Variants in CDK14 observed in about 807,000 individuals in gnomAD.
CDK14 encodes the protein cyclin dependent kinase 14, also known as cyclin-dependent kinase 14.
A neutral mutation model predicts 60.7 loss-of-function variants in CDK14; 34 were observed. That is an observed-to-expected ratio of 0.56 (90% CI 0.43 to 0.75). CDK14 has a LOEUF of 0.75. Among genes scored for constraint, CDK14 ranks in the 30% least tolerant of loss-of-function variants. CDK14 has a pLI of 0.00. For missense variants in CDK14, 482 were observed against 564.1 expected (o/e 0.85, Z 1.47); for synonymous variants, 197 against 203.7 (o/e 0.97, Z 0.28).
At chr7:90,644,719 A>G (rs1236611844) in intron 2 of CDK14, among the ~76,000 whole-genome samples, 1 of 152,210 alleles carries the variant, frequency 6.6e-6, no homozygotes, top group Non-Finnish European at 1.5e-5. Context: ...CATGGGTAAC[A>G]ATGTTTCTTG....
chr7:91,164,098 G>T (rs1801264686), intron 14 of CDK14, among the ~76,000 whole-genome samples: 1 of 152,108 alleles, frequency 6.6e-6, no homozygotes, highest in African/African-American at 2.4e-5. Context: ...AGGGCACGTA[G>T]CATACAATAT....
intron 4 of CDK14, among the ~76,000 whole-genome samples, chr7:90,787,317 C>T (rs1001526916): frequency 2.1e-5 from 3 of 141,892 alleles, no homozygotes; most frequent in Non-Finnish European, 4.5e-5. Flanking sequence ...ATTAACAAAG[C>T]ATTCTACAAA....
chr7:90,641,118 A>C (rs1269522951), intron 2 of CDK14, among the ~76,000 whole-genome samples: 3 of 151,678 alleles, frequency 2.0e-5, no homozygotes, highest in African/African-American at 7.3e-5. Context: ...AAAAACAAAA[A>C]CAAAAACAGG....
intron 2 of CDK14, among the ~76,000 whole-genome samples, chr7:90,656,683 CT>C (rs2116491705): frequency 6.6e-6 from 1 of 152,242 alleles, no homozygotes; most frequent in African/African-American, 2.4e-5. Flanking sequence ...CCGCCTTCTC[CT>C]TTTTTCTGAA....
intron 11 of CDK14, among the ~76,000 whole-genome samples, chr7:91,069,733 T>A (rs1798081788): frequency 6.6e-6 from 1 of 152,190 alleles, no homozygotes; most frequent in Admixed American, 6.5e-5. Flanking sequence ...CATCATCCTT[T>A]TCAGGTTAAT....
chr7:91,147,996 A>G (rs973473682), intron 14 of CDK14, among the ~76,000 whole-genome samples: 26 of 152,354 alleles, frequency 1.7e-4, no homozygotes, highest in African/African-American at 5.8e-4. Flanking sequence ...ACACATATGC[A>G]TATATAATCA....
intron 2 of CDK14, among the ~76,000 whole-genome samples, chr7:90,684,158 T>C (rs1801382621): frequency 6.6e-6 from 1 of 152,220 alleles, no homozygotes; most frequent in Admixed American, 6.5e-5. Flanking sequence ...ATTGTTGTGC[T>C]GTAGCACTAC....
intron 8 of CDK14, among the ~76,000 whole-genome samples, chr7:90,921,836 A>T (rs1793261960): frequency 6.6e-6 from 1 of 152,142 alleles, no homozygotes; most frequent in Non-Finnish European, 1.5e-5. Flanking sequence ...TACCTTCCTA[A>T]TGTTGATAGT....
chr7:90,851,406 A>C (rs1790641669), intron 5 of CDK14, among the ~76,000 whole-genome samples: 1 of 152,148 alleles, frequency 6.6e-6, no homozygotes, highest in African/African-American at 2.4e-5. Flanking sequence ...ACTTATTAGA[A>C]AGGGAAGCAT....
intron 14 of CDK14, among the ~76,000 whole-genome samples, chr7:91,179,354 TG>T (rs1406393394): frequency 1.6e-5 from 1 of 61,092 alleles, no homozygotes; most frequent in Non-Finnish European, 3.0e-5. Flanking sequence ...GGGACTGTTG[TG>T]GGGTGGGGGG....
chr7:90,757,228 GTGTGTGTGTGTGTGTGTGTGTGTC>G (rs1426123047), intron 4 of CDK14, among the ~76,000 whole-genome samples: 1 of 146,022 alleles, frequency 6.8e-6, no homozygotes. Context: ...GTGTGTGTGT[GTGTGTGTGTGTGTGTGTGTGTGTC>G]TGTGTGTGTC....
At chr7:90,710,855 A>G (rs530539295) in intron 2 of CDK14, among the ~76,000 whole-genome samples, 2 of 152,226 alleles carry the variant, frequency 1.3e-5, no homozygotes, top group South Asian at 2.1e-4. Context: ...CACAGTTGAC[A>G]TATTTGATGT....
At chr7:90,803,180 A>G (rs550557337) in intron 5 of CDK14, among the ~76,000 whole-genome samples, 1 of 152,084 alleles carries the variant, frequency 6.6e-6, no homozygotes, top group South Asian at 2.1e-4. Context: ...CAGTTTCTAC[A>G]GAAAAGGATT....
intron 6 of CDK14, among the ~76,000 whole-genome samples, chr7:90,867,256 G>C (rs1791222495): frequency 6.6e-6 from 1 of 152,112 alleles, no homozygotes; most frequent in African/African-American, 2.4e-5. Context: ...GAAGAGAAAG[G>C]TAGAAAATGT....
At chr7:90,712,128 TGTG>T (rs1177138274) in intron 2 of CDK14, among the ~76,000 whole-genome samples, 3 of 152,046 alleles carry the variant, frequency 2.0e-5, no homozygotes, top group African/African-American at 7.2e-5. Context: ...TATTTTTTAT[TGTG>T]GTGAAATATA....
chr7:90,641,985 TACTC>T (rs1800349087), intron 2 of CDK14, among the ~76,000 whole-genome samples: 2 of 152,150 alleles, frequency 1.3e-5, no homozygotes, highest in Non-Finnish European at 1.5e-5. Context: ...TTGTGAGACT[TACTC>T]ACTATCATGA....
chr7:90,915,617 G>A (rs953139466), intron 7 of CDK14, among the ~76,000 whole-genome samples: 1 of 152,228 alleles, frequency 6.6e-6, no homozygotes, highest in Non-Finnish European at 1.5e-5. Context: ...GGAGGAAGCA[G>A]TTCTCTAGAA....
chr7:90,808,741 A>C (rs1014472263), intron 5 of CDK14, among the ~76,000 whole-genome samples: 7 of 152,224 alleles, frequency 4.6e-5, no homozygotes, highest in Admixed American at 2.0e-4. Flanking sequence ...GCAGAGACAC[A>C]CATAGGCTCA....
rs887684118 is a variant in CDK14, at chr7:90,797,835, C to T, written c.544+7183C>T. ...CTGACTCACTATTGATATGACAACA[C>T]GAAGGGGGATGGTGTTAAACCATGA... On this transcript the variant is annotated intron_variant, in intron 5 of 14. Transcript: ENST00000380050. Among the ~76,000 whole-genome samples the T allele has an allele frequency of 4.6e-5, 7 of 151,928 alleles. No individual in the cohort carries two copies. In the South Asian group the frequency reaches 6.2e-4, roughly 14 times the overall value.
Sources: allele counts gnomAD v4.1 joint callset (sites outside exome capture counted in the v4.1 genomes callset), GRCh38; gene constraint gnomAD v4.1.1; transcripts MANE v1.5; gene names NCBI Gene and HGNC (gene_info 2026-07-23, HGNC 2026-07-21).